Variants in NCAM2 observed in about 807,000 individuals in gnomAD.
NCAM2 encodes the protein N-CAM-2.
NCAM2 carries 30 observed loss-of-function variants against 98.1 expected under a neutral mutation model. That is an observed-to-expected ratio of 0.31 (90% CI 0.23 to 0.41). NCAM2 has a LOEUF of 0.41. Ranked by LOEUF, NCAM2 falls within the 10% of genes least tolerant of loss-of-function variation. The pLI, the probability that NCAM2 is intolerant of heterozygous loss-of-function variation, is 1.00. For missense variants in NCAM2, 867 were observed against 1,005.8 expected (o/e 0.86, Z 1.87); for synonymous variants, 368 against 342.4 (o/e 1.07, Z -0.83).
At chr21:21,092,907 C>G (rs1014871338) in intron 1 of NCAM2, among the ~76,000 whole-genome samples, 1 of 151,806 alleles carries the variant, frequency 6.6e-6, no homozygotes, top group Non-Finnish European at 1.5e-5. Flanking sequence ...AATATTAGAA[C>G]AAAGCTAACA....
chr21:21,346,834 T>C (rs2147919167), intron 8 of NCAM2, among the ~76,000 whole-genome samples: 1 of 151,738 alleles, frequency 6.6e-6, no homozygotes, highest in Admixed American at 6.6e-5. Flanking sequence ...CAAATGATAA[T>C]GGAAGCACAA....
At chr21:21,397,523 C>T (rs1449424955) in intron 9 of NCAM2, among the ~76,000 whole-genome samples, 1 of 152,156 alleles carries the variant, frequency 6.6e-6, no homozygotes, top group East Asian at 1.9e-4. Context: ...GTGCACACAC[C>T]TAGGTGGGAT....
Position 21,290,909 on chromosome 21 carries a change from T to C in NCAM2, c.482-1195T>C, listed in dbSNP as rs144792912. Among the ~76,000 whole-genome samples the C allele has an allele frequency of 1.5e-3, 230 of 151,986 alleles. 2 individuals are homozygous for C. Among genetic ancestry groups the C allele is most frequent in the Middle Eastern group, 0.014 (4 of 294 alleles). On this transcript the variant is annotated intron_variant, in intron 4 of 17. Transcript: ENST00000400546. ...CAAAGTCCAGTTGGCAGCAGAGGTA[T>C]AGGCAGGATCCTACCATATCCTTTC... is the stretch of plus-strand genomic sequence containing the variant.
intron 1 of NCAM2, among the ~76,000 whole-genome samples, chr21:21,067,396 C>G (rs1228795267): frequency 6.6e-6 from 1 of 151,992 alleles, no homozygotes; most frequent in Non-Finnish European, 1.5e-5. Context: ...TTACAATATG[C>G]TACTGACATA....
intron 1 of NCAM2, among the ~76,000 whole-genome samples, chr21:21,156,946 A>G (rs565333224): frequency 6.6e-6 from 1 of 152,258 alleles, no homozygotes; most frequent in Non-Finnish European, 1.5e-5. Context: ...CACTGAACTA[A>G]TAGCTCTTCT....
chr21:21,518,880 T>A (rs1036629771), intron 16 of NCAM2, among the ~76,000 whole-genome samples: 1 of 152,120 alleles, frequency 6.6e-6, no homozygotes, highest in Non-Finnish European at 1.5e-5. Context: ...AAATGTCCAG[T>A]AGTGATAAGC....
At chr21:21,189,933 G>A (rs1395390796) in intron 1 of NCAM2, among the ~76,000 whole-genome samples, 4 of 152,162 alleles carry the variant, frequency 2.6e-5, no homozygotes, top group Admixed American at 1.3e-4. Context: ...TGTCTGCCTA[G>A]TTACTCAGAA....
At chr21:21,524,685 G>C (rs1184188427) in intron 16 of NCAM2, among the ~76,000 whole-genome samples, 1 of 152,074 alleles carries the variant, frequency 6.6e-6, no homozygotes, top group Non-Finnish European at 1.5e-5. Context: ...ATCTGTAGAC[G>C]AATTAATCCA....
At chr21:21,184,430 C>T (rs1356460328) in intron 1 of NCAM2, among the ~76,000 whole-genome samples, 1 of 152,072 alleles carries the variant, frequency 6.6e-6, no homozygotes, top group Non-Finnish European at 1.5e-5. Context: ...TAGCATCATA[C>T]AATGGTTCTC....
intron 1 of NCAM2, among the ~76,000 whole-genome samples, chr21:21,086,748 A>G (rs1045969600): frequency 3.3e-5 from 5 of 152,212 alleles, no homozygotes; most frequent in African/African-American, 1.2e-4. Flanking sequence ...TAATTTAACT[A>G]GAACGTGTGT....
chr21:21,459,089 A>G (rs1982581128), intron 12 of NCAM2, among the ~76,000 whole-genome samples: 1 of 152,170 alleles, frequency 6.6e-6, no homozygotes. Context: ...CAATAGGTAT[A>G]TGAAACGGTG....
At chr21:21,259,821 C>A (rs1303788343) in intron 1 of NCAM2, among the ~76,000 whole-genome samples, 1 of 151,596 alleles carries the variant, frequency 6.6e-6, no homozygotes, top group Non-Finnish European at 1.5e-5. Context: ...AAGCACCCAG[C>A]AATGAATCCA....
intron 14 of NCAM2, among the ~76,000 whole-genome samples, chr21:21,470,573 C>T (rs566873433): frequency 7.6e-4 from 116 of 152,134 alleles, no homozygotes; most frequent in African/African-American, 2.6e-3. Flanking sequence ...CGTTTTCTCG[C>T]CTTTCTCTTT....
chr21:21,251,163 A>C (rs1019815244), intron 1 of NCAM2, among the ~76,000 whole-genome samples: 169 of 152,044 alleles, frequency 1.1e-3, no homozygotes, highest in African/African-American at 4.0e-3. Flanking sequence ...ATTTTATTTT[A>C]TTTTATTATA....
intron 12 of NCAM2, among the ~76,000 whole-genome samples, chr21:21,453,241 G>T (rs990741720): frequency 6.6e-6 from 1 of 150,462 alleles, no homozygotes; most frequent in Non-Finnish European, 1.5e-5. Context: ...AAGTGGGGGT[G>T]GGAATGGGGA....
At chr21:21,256,210 G>T (rs2071664551) in intron 1 of NCAM2, among the ~76,000 whole-genome samples, 1 of 151,982 alleles carries the variant, frequency 6.6e-6, no homozygotes, top group South Asian at 2.1e-4. Flanking sequence ...ACAAAAATTA[G>T]CTGGGCGTGG....
intron 1 of NCAM2, among the ~76,000 whole-genome samples, chr21:21,234,795 A>G (rs2070754365): frequency 6.6e-6 from 1 of 152,004 alleles, no homozygotes; most frequent in Non-Finnish European, 1.5e-5. Flanking sequence ...CTTACGAGAA[A>G]TGCCTGACCA....
intron 1 of NCAM2, among the ~76,000 whole-genome samples, 171 bp downstream of exon 1, chr21:20,998,789 C>G (rs972245414): frequency 1.3e-5 from 2 of 152,130 alleles, no homozygotes; most frequent in African/African-American, 2.4e-5. Flanking sequence ...AAAATTGTAT[C>G]TGTTGTGTGG....
At chr21:21,440,515 T>G (rs1051719128) in intron 12 of NCAM2, among the ~76,000 whole-genome samples, 2 of 151,780 alleles carry the variant, frequency 1.3e-5, no homozygotes, top group African/African-American at 4.8e-5. Flanking sequence ...AACCTCATAT[T>G]GACAAAAATA....
Sources: gnomAD v4.1 joint callset for allele counts (sites outside exome capture counted in the v4.1 genomes callset) on GRCh38, gnomAD v4.1.1 for gene constraint, MANE v1.5 for transcripts, NCBI Gene and HGNC (gene_info 2026-07-23, HGNC 2026-07-21) for gene names.